Variants in BLMH observed in about 807,000 individuals in gnomAD.
The protein encoded by BLMH is bleomycin hydrolase.
Under a neutral mutation model 61.6 loss-of-function variants are expected in BLMH, and 32 were observed. The observed-to-expected ratio is 0.52, with a 90% confidence interval of 0.39 to 0.70. The LOEUF is 0.70. BLMH is among the 30% of genes least tolerant of loss of function. The probability of loss-of-function intolerance (pLI) is 0.00; values close to 1 mark genes in which losing one functional copy is unlikely to be tolerated. For synonymous variants in BLMH, 183 were observed against 193.8 expected, an observed-to-expected ratio of 0.94 and a Z score of 0.46; for missense variants, 460 against 555.5, an observed-to-expected ratio of 0.83 and a Z score of 1.73.
chr17:30,271,434 G>T, intron 9 of BLMH, 46 bp from the exon 10 acceptor site: 1 of 1,502,448 alleles, frequency 6.7e-7, no homozygotes. Context: ...ACGATCATGG[G>T]GAAAACTGGC....
chr17:30,273,868 T>C (rs981374379), intron 7 of BLMH, 174 bp downstream of exon 7: 5 of 747,328 alleles, frequency 6.7e-6, no homozygotes, highest in Non-Finnish European at 1.1e-5. Context: ...TGATAAATCC[T>C]GGCACCACCA....
chr17:30,256,068 G>A (rs1271258197), intron 11 of BLMH, among the ~76,000 whole-genome samples: 1 of 152,090 alleles, frequency 6.6e-6, no homozygotes, highest in Non-Finnish European at 1.5e-5. Context: ...CTTAATTTTT[G>A]TTGAGATGGG....
intron 6 of BLMH, among the ~76,000 whole-genome samples, chr17:30,274,637 GTAAC>G (rs1466845035): frequency 6.6e-6 from 1 of 152,098 alleles, no homozygotes; most frequent in Admixed American, 6.5e-5. Context: ...TCATAGGAAA[GTAAC>G]TAATTTTTCA....
Position 30,252,533 on chromosome 17 carries a change from C to CAAAAA in BLMH, c.1217-3370_1217-3366dup, listed in dbSNP as rs34594289. Among the ~76,000 whole-genome samples, 23 of 66,384 alleles carry CAAAAA rather than the reference C, an allele frequency of 3.5e-4. 1 individual carries two copies. The highest frequency in any genetic ancestry group is 1.0e-3 in the African/African-American group (20 of 19,664). The allele number at this position is 66,384 out of a possible 152,430, so 43.6% of individuals were successfully genotyped here. A position where few individuals can be genotyped will look rare whatever the true frequency, so the allele number is the denominator to read the frequency against. ...GCAACATGGCGAAACCCCATCCTCA[C>CAAAAA]AAAAAAAAAAAAAAAAAAAAAAAAA... On this transcript the variant is annotated intron_variant, in intron 11 of 11. Coordinates refer to ENST00000261714, the MANE Select transcript of BLMH (RefSeq NM_000386.4).
At chr17:30,267,024 A>G in intron 10 of BLMH, 70 bp from the exon 11 acceptor site, 1 of 1,467,608 alleles carries the variant, frequency 6.8e-7, no homozygotes, top group Non-Finnish European at 9.5e-7. Flanking sequence ...ATATAATTTT[A>G]GCTCTTCTGT....
rs1216942402 is a variant in BLMH at position 30,286,815 on chromosome 17, T to C, written c.551A>G (p.Lys184Arg). The C allele has an allele frequency of 3.2e-6, 5 of 1,576,436 alleles. No individual in the cohort carries two copies. The highest frequency in any genetic ancestry group is 2.7e-5 in the African/African-American group (2 of 74,010). Reference sequence around the variant, plus strand: ...CCCACCCTGCTTCATATATTGTACCTTGTGATTCAGAATATCATTCATCCT... The same window carrying C: ...CCCACCCTGCTTCATATATTGTACCCTGTGATTCAGAATATCATTCATCCT... Reference protein sequence around the residue: ...TRRMNDILNHKMREFCIRLRN... With the variant: ...TRRMNDILNHRMREFCIRLRN... Residue 184 changes from lysine (K) to arginine (R), a missense_variant and splice_region_variant, in exon 5 of 12, where the codon AAG becomes AGG. Lys to Arg is a conservative substitution (Grantham distance 26). This residue lies in a region of BLMH where 310 missense variants were observed against 371.1 expected (regional missense o/e 0.84). Transcript: ENST00000261714.
intron 6 of BLMH, among the ~76,000 whole-genome samples, chr17:30,281,856 G>A (rs1908601052): frequency 6.6e-6 from 1 of 152,108 alleles, no homozygotes. Flanking sequence ...TTTTTTAATC[G>A]AAGATGTCTT....
intron 4 of BLMH, among the ~76,000 whole-genome samples, chr17:30,287,355 C>G (rs1414135955): frequency 6.6e-6 from 1 of 152,272 alleles, no homozygotes; most frequent in East Asian, 1.9e-4. Flanking sequence ...GCATATTTAT[C>G]TGTCTATGTT....
intron 3 of BLMH, among the ~76,000 whole-genome samples, chr17:30,288,443 C>G (rs1908790114): frequency 6.6e-6 from 1 of 152,188 alleles, no homozygotes; most frequent in Non-Finnish European, 1.5e-5. Context: ...GCCTCAACCT[C>G]CTGAGCTCAA....
intron 6 of BLMH, among the ~76,000 whole-genome samples, chr17:30,284,549 T>C (rs1217718130): frequency 6.6e-6 from 1 of 152,254 alleles, no homozygotes. Flanking sequence ...TCAAACCAAT[T>C]GCAGTTTTAT....
intron 2 of BLMH, 92 bp from the exon 3 acceptor site, chr17:30,289,574 T>A: frequency 1.4e-6 from 1 of 707,474 alleles, no homozygotes; most frequent in Admixed American, 3.5e-5. Context: ...CATGACACGA[T>A]CTGGACAATT....
At chr17:30,280,509 C>G (rs1042838146) in intron 6 of BLMH, among the ~76,000 whole-genome samples, 2 of 152,122 alleles carry the variant, frequency 1.3e-5, no homozygotes, top group African/African-American at 4.8e-5. Context: ...CAGGGTGTCC[C>G]TCTGTCACCC....
In BLMH at chr17:30,248,820, CCT is replaced by C. The variant is rs1451909929; in HGVS notation, c.*195_*196del. 3.2e-5 allele frequency: 19 copies of C among 598,120 alleles called. No homozygotes were observed. Among genetic ancestry groups the C allele is most frequent in the Middle Eastern group, 4.6e-4 (1 of 2,192 alleles). 37.1% of individuals were successfully genotyped at this position (598,120 alleles called of 1,614,324 possible). ...TAGATAGTATGACCTGATCTTCCCCCCTCTTTTTTTTCCTTTAACAGTATTCT... is the reference window on the plus strand; with the variant it reads ...TAGATAGTATGACCTGATCTTCCCCCCTTTTTTTTCCTTTAACAGTATTCT... On this transcript the variant is annotated 3_prime_UTR_variant, in exon 12 of 12. Coordinates refer to ENST00000261714, the MANE Select transcript of BLMH (RefSeq NM_000386.4).
chr17:30,289,167 T>C (rs1362422667), intron 3 of BLMH, among the ~76,000 whole-genome samples: 2 of 152,088 alleles, frequency 1.3e-5, no homozygotes, highest in African/African-American at 4.8e-5. Flanking sequence ...AGTAAACTTA[T>C]TTCATTGCAA....
At chr17:30,269,550 G>T (rs1908207504) in intron 10 of BLMH, among the ~76,000 whole-genome samples, 2 of 151,900 alleles carry the variant, frequency 1.3e-5, no homozygotes, top group South Asian at 4.2e-4. Flanking sequence ...GTTAAATTGG[G>T]GTGATAACAC....
At chr17:30,252,020 T>C (rs1907681401) in intron 11 of BLMH, 1 of 152,228 alleles carries the variant, frequency 6.6e-6, no homozygotes, top group Non-Finnish European at 1.5e-5. Flanking sequence ...AATGTCTAGA[T>C]TTGCAGAAGA....
At chr17:30,252,940 C>T (rs771778064) in intron 11 of BLMH, among the ~76,000 whole-genome samples, 3 of 152,096 alleles carry the variant, frequency 2.0e-5, no homozygotes, top group Admixed American at 6.6e-5. Flanking sequence ...AAGTTCTGTC[C>T]GCTCAAAGGT....
chr17:30,270,332 T>C (rs1908233210), intron 10 of BLMH, among the ~76,000 whole-genome samples: 1 of 151,918 alleles, frequency 6.6e-6, no homozygotes, highest in Non-Finnish European at 1.5e-5. Context: ...AAACCCCACT[T>C]CTACTAAAAA....
chr17:30,280,033 A>C (rs1174607251), intron 6 of BLMH, among the ~76,000 whole-genome samples: 4 of 152,214 alleles, frequency 2.6e-5, no homozygotes, highest in African/African-American at 9.6e-5. Context: ...AAGATGCAGC[A>C]GTTGAGAGTC....
Sources: allele counts gnomAD v4.1 joint callset (sites outside exome capture counted in the v4.1 genomes callset), GRCh38; gene constraint gnomAD v4.1.1; regional missense constraint gnomAD v4.1.1; transcripts MANE v1.5; gene names NCBI Gene and HGNC (gene_info 2026-07-23, HGNC 2026-07-21).